Variants in EPHA6 observed in about 807,000 individuals in gnomAD.
EPHA6 encodes the protein EPH receptor A6, also known as ephrin type-A receptor 6.
In EPHA6, 50 loss-of-function variants were observed where a neutral mutation model predicts 112.0. The ratio of observed to expected loss-of-function variants is 0.45; its 90% CI spans 0.36 to 0.56. The LOEUF (loss-of-function observed/expected upper bound fraction) is 0.56, where lower values mean the gene tolerates loss of function less well. Ranked by LOEUF, EPHA6 falls within the 20% of genes least tolerant of loss-of-function variation. The probability of loss-of-function intolerance (pLI) is 0.00; values close to 1 mark genes in which losing one functional copy is unlikely to be tolerated. For missense variants in EPHA6, 1,280 were observed against 1,417.4 expected (o/e 0.90, Z 1.56); for synonymous variants, 529 against 490.7 (o/e 1.08, Z -1.03).
chr3:97,601,396 A>G (rs1351674525), intron 12 of EPHA6, among the ~76,000 whole-genome samples: 1 of 152,114 alleles, frequency 6.6e-6, no homozygotes, highest in Non-Finnish European at 1.5e-5. Flanking sequence ...ATTCCTCTCC[A>G]GAGAGCCATG....
intron 14 of EPHA6, among the ~76,000 whole-genome samples, chr3:97,661,286 G>T (rs931284072): frequency 6.7e-5 from 10 of 149,302 alleles, no homozygotes; most frequent in African/African-American, 1.9e-4. Context: ...CCCTAACGCT[G>T]GTCAGCTTAC....
intron 3 of EPHA6, among the ~76,000 whole-genome samples, chr3:97,148,190 G>A (rs1006224220): frequency 6.6e-6 from 1 of 152,008 alleles, no homozygotes; most frequent in African/African-American, 2.4e-5. Context: ...CACATCTTAG[G>A]TTGGTCACAT....
At chr3:96,894,951 T>C (rs2038182712) in intron 2 of EPHA6, among the ~76,000 whole-genome samples, 1 of 152,190 alleles carries the variant, frequency 6.6e-6, no homozygotes, top group Non-Finnish European at 1.5e-5. Context: ...CCAAAAGGTT[T>C]TCATTAATAG....
At chr3:97,353,730 G>T (rs1162371933) in intron 5 of EPHA6, among the ~76,000 whole-genome samples, 1 of 152,148 alleles carries the variant, frequency 6.6e-6, no homozygotes, top group African/African-American at 2.4e-5. Context: ...AACAAGCCTG[G>T]CTGGATTCAC....
chr3:96,986,629 C>A (rs1248027045), intron 2 of EPHA6, among the ~76,000 whole-genome samples: 1 of 152,122 alleles, frequency 6.6e-6, no homozygotes, highest in Non-Finnish European at 1.5e-5. Context: ...ATTGTACTTT[C>A]TACCATATTA....
intron 5 of EPHA6, among the ~76,000 whole-genome samples, chr3:97,393,814 G>T (rs1253962934): frequency 6.6e-6 from 1 of 151,712 alleles, no homozygotes; most frequent in Admixed American, 6.6e-5. Flanking sequence ...TGACACATAT[G>T]AATGAGATCT....
intron 7 of EPHA6, among the ~76,000 whole-genome samples, chr3:97,471,201 GGAGGTGA>G (rs1328589821): frequency 1.3e-5 from 2 of 151,708 alleles, no homozygotes; most frequent in Non-Finnish European, 3.0e-5. Context: ...CTCTAGCCAA[GGAGGTGA>G]TCATCCTGTT....
intron 7 of EPHA6, among the ~76,000 whole-genome samples, chr3:97,457,086 A>G (rs912822523): frequency 6.6e-6 from 1 of 152,190 alleles, no homozygotes. Context: ...TAATAACAGT[A>G]TGGAGGCCTA....
chr3:97,458,887 A>C (rs1577470123), intron 7 of EPHA6, among the ~76,000 whole-genome samples: 1 of 152,190 alleles, frequency 6.6e-6, no homozygotes, highest in Non-Finnish European at 1.5e-5. Context: ...AGGAATTCAA[A>C]AACAAAAAAG....
chr3:97,445,505 T>C (rs939729905), intron 6 of EPHA6, among the ~76,000 whole-genome samples: 18 of 152,208 alleles, frequency 1.2e-4, no homozygotes, highest in African/African-American at 3.6e-4. Context: ...TAATTAATAA[T>C]ACCTTGTATG....
intron 14 of EPHA6, among the ~76,000 whole-genome samples, chr3:97,683,726 ACTT>A (rs1019464548): frequency 6.6e-6 from 1 of 152,070 alleles, no homozygotes; most frequent in African/African-American, 2.4e-5. Flanking sequence ...AGGCCCACGT[ACTT>A]CTTTCTATAT....
chr3:96,991,885 A>C (rs1176760030), intron 3 of EPHA6, among the ~76,000 whole-genome samples: 3 of 152,170 alleles, frequency 2.0e-5, no homozygotes, highest in Non-Finnish European at 4.4e-5. Context: ...TCCGAAAGGC[A>C]GGGAACACAA....
At chr3:97,338,106 G>A (rs1301427817) in intron 5 of EPHA6, among the ~76,000 whole-genome samples, 2 of 151,958 alleles carry the variant, frequency 1.3e-5, no homozygotes, top group Non-Finnish European at 2.9e-5. Flanking sequence ...GTGTGTGTGT[G>A]TGTTTTCCAC....
At chr3:97,089,639 C>G (rs1174195918) in intron 3 of EPHA6, among the ~76,000 whole-genome samples, 1 of 152,116 alleles carries the variant, frequency 6.6e-6, no homozygotes. Context: ...TATGCCTGTT[C>G]TCCTCTGGAT....
chr3:96,954,565 G>T (rs1182879557), intron 2 of EPHA6, among the ~76,000 whole-genome samples: 4 of 152,198 alleles, frequency 2.6e-5, no homozygotes, highest in South Asian at 2.1e-4. Context: ...TCACTACACA[G>T]GGAGAAGTGC....
intron 6 of EPHA6, among the ~76,000 whole-genome samples, chr3:97,421,100 A>G (rs1261878472): frequency 2.0e-5 from 3 of 151,948 alleles, no homozygotes; most frequent in Non-Finnish European, 4.4e-5. Flanking sequence ...GTGAGGAAAT[A>G]TTACACTACT....
intron 5 of EPHA6, among the ~76,000 whole-genome samples, chr3:97,312,113 GATTTTTGCAC>G (rs1281465997): frequency 6.6e-6 from 1 of 151,526 alleles, no homozygotes; most frequent in Non-Finnish European, 1.5e-5. Flanking sequence ...AAATACAACA[GATTTTTGCAC>G]ATGAACCTTG....
At chr3:97,241,256 T>C (rs2108575746) in intron 4 of EPHA6, among the ~76,000 whole-genome samples, 1 of 152,008 alleles carries the variant, frequency 6.6e-6, no homozygotes, top group Admixed American at 6.6e-5. Flanking sequence ...GGTAGTTTAT[T>C]ATATGATGGA....
intron 2 of EPHA6, among the ~76,000 whole-genome samples, chr3:96,926,827 G>A (rs1370523618): frequency 6.6e-6 from 1 of 152,194 alleles, no homozygotes; most frequent in Non-Finnish European, 1.5e-5. Context: ...CTGTATGTCT[G>A]CAGCTTTTCT....
Sources: gnomAD v4.1 joint callset for allele counts (sites outside exome capture counted in the v4.1 genomes callset) on GRCh38, gnomAD v4.1.1 for gene constraint, MANE v1.5 for transcripts, NCBI Gene and HGNC (gene_info 2026-07-23, HGNC 2026-07-21) for gene names.